CNGB3: variants seen among roughly 807,000 people sequenced by gnomAD.
CNGB3 encodes the protein cyclic nucleotide gated channel subunit beta 3, also known as cyclic nucleotide-gated channel beta-3.
CNGB3 carries 86 observed loss-of-function variants against 92.8 expected under a neutral mutation model. The observed-to-expected ratio is 0.93, with a 90% CI of 0.78 to 1.11. The LOEUF (loss-of-function observed/expected upper bound fraction) is 1.11. Ranked by LOEUF, CNGB3 falls within the 50% of genes least tolerant of loss-of-function variation. CNGB3 has a pLI of 0.00. For synonymous variants in CNGB3, 333 were observed against 332.7 expected, an observed-to-expected ratio of 1.00 and a Z score of -0.01; for missense variants, 1,026 against 956.8, an observed-to-expected ratio of 1.07 and a Z score of -0.95.
intron 12 of CNGB3, 90 bp downstream of exon 12, chr8:86,628,829 G>T: frequency 1.5e-6 from 2 of 1,374,470 alleles, no homozygotes; most frequent in Non-Finnish European, 2.1e-6. Context: ...TCAACCTTTT[G>T]TTCAAATCCA....
intron 15 of CNGB3, among the ~76,000 whole-genome samples, chr8:86,602,548 A>G (rs1822327556): frequency 6.6e-6 from 1 of 152,182 alleles, no homozygotes; most frequent in South Asian, 2.1e-4. Context: ...TGTTGTCCCT[A>G]TAATTCATTA....
intron 14 of CNGB3, among the ~76,000 whole-genome samples, chr8:86,609,898 A>G (rs574267649): frequency 1.3e-5 from 2 of 152,206 alleles, no homozygotes; most frequent in South Asian, 4.1e-4. Flanking sequence ...GTCACTCCTG[A>G]CAACCTAATA....
At chr8:86,643,908 GT>G in intron 9 of CNGB3, 35 bp from the exon 10 acceptor site, 1 of 1,593,952 alleles carries the variant, frequency 6.3e-7, no homozygotes, top group Non-Finnish European at 8.6e-7. Flanking sequence ...TAAGATTCAT[GT>G]TGTTTCTGAA....
At chr8:86,735,042 G>GGTTTTTTTTTTTTTTTTTTTT (rs1554618958) in intron 2 of CNGB3, among the ~76,000 whole-genome samples, 1 of 85,886 alleles carries the variant, frequency 1.2e-5, no homozygotes, top group Non-Finnish European at 2.1e-5. Context: ...AATGCCGGTG[G>GGTTTTTTTTTTTTTTTTTTTT]TTTTTTTTTT....
At chr8:86,671,373 A>C (rs748601356) in intron 3 of CNGB3, among the ~76,000 whole-genome samples, 33 of 152,238 alleles carry the variant, frequency 2.2e-4, no homozygotes, top group Non-Finnish European at 3.2e-4. Flanking sequence ...TTGTATCACT[A>C]GGACAAGTAA....
intron 15 of CNGB3, among the ~76,000 whole-genome samples, chr8:86,593,238 T>C (rs1822086246): frequency 6.6e-6 from 1 of 152,220 alleles, no homozygotes; most frequent in Non-Finnish European, 1.5e-5. Flanking sequence ...ATGAAGAATC[T>C]GGGTATAACT....
chr8:86,701,771 A>G (rs1824561730), intron 3 of CNGB3, among the ~76,000 whole-genome samples: 1 of 152,208 alleles, frequency 6.6e-6, no homozygotes, highest in Admixed American at 6.5e-5. Flanking sequence ...GGAAATGGTC[A>G]ATTCCCCTGA....
chr8:86,646,837 T>C (rs1035349252), intron 8 of CNGB3, among the ~76,000 whole-genome samples: 9 of 151,218 alleles, frequency 6.0e-5, no homozygotes, highest in African/African-American at 2.2e-4. Flanking sequence ...AATGAAGCTA[T>C]GAGTTATAAA....
chr8:86,593,218 T>C (rs1430197224), intron 15 of CNGB3, among the ~76,000 whole-genome samples: 1 of 152,156 alleles, frequency 6.6e-6, no homozygotes, highest in Non-Finnish European at 1.5e-5. Context: ...CTTAGAGAAG[T>C]GGATGAGCGA....
At chr8:86,686,652 G>T (rs1441636117) in intron 3 of CNGB3, among the ~76,000 whole-genome samples, 1 of 75,342 alleles carries the variant, frequency 1.3e-5, no homozygotes, top group Non-Finnish European at 2.4e-5. Context: ...AGGGTGTTCT[G>T]CATTGATAAG....
chr8:86,655,958 T>C lies in CNGB3; in HGVS notation c.853-1896A>G, dbSNP rs117044198. On this transcript the variant is annotated intron_variant, in intron 6 of 17. Coordinates refer to ENST00000320005, the MANE Select transcript of CNGB3 (RefSeq NM_019098.5). ...GTCTTCTAACAATTATCATTCAGGC[T>C]GTCTGGAAGTTTTAAACTGCTGCTT... Among the ~76,000 whole-genome samples the C allele has an allele frequency of 4.7e-3, 711 of 152,344 alleles. 5 individuals carry two copies. The highest frequency in any genetic ancestry group is 0.037 in the Middle Eastern group (11 of 294).
intron 1 of CNGB3, among the ~76,000 whole-genome samples, chr8:86,740,816 A>AT: frequency 6.6e-6 from 1 of 152,260 alleles, no homozygotes; most frequent in Admixed American, 6.5e-5. Flanking sequence ...TATGAAATTG[A>AT]TTGAGTGGCT....
At chr8:86,644,558 T>C (rs1164495109) in intron 9 of CNGB3, 64 bp downstream of exon 9, 1 of 1,575,272 alleles carries the variant, frequency 6.3e-7, no homozygotes, top group Non-Finnish European at 8.7e-7. Flanking sequence ...CCTGCCAAAT[T>C]CCGTCTAAAA....
chr8:86,574,551 A>G lies in CNGB3; in HGVS notation c.*1253T>C, dbSNP rs1283822353. ...GTGATTGATTTGTACATGGTTTGCT[A>G]AATGCATCTATGTTGTAGGCTTTTT... On this transcript the variant is annotated 3_prime_UTR_variant, in exon 18 of 18. Coordinates refer to ENST00000320005, the MANE Select transcript of CNGB3 (RefSeq NM_019098.5). The G allele has an allele frequency of 6.6e-6, 1 of 152,230 alleles. No individual in the cohort carries two copies. Among genetic ancestry groups the G allele is most frequent in the Admixed American group, 6.5e-5 (1 of 15,286 alleles). The allele number at this position is 152,230 out of a possible 1,614,324, so 9.4% of individuals were successfully genotyped here.
Position 86,735,059 on chromosome 8 carries a change from T to G in CNGB3, c.211+4596A>C, listed in dbSNP as rs903864632. Among the ~76,000 whole-genome samples, 35 of 145,998 alleles carry G rather than the reference T, an allele frequency of 2.4e-4. 2 individuals are homozygous for G. In the South Asian group the frequency reaches 6.9e-3, roughly 29 times the overall value. ...TGCCGGTGGTTTTTTTTTTTTTTTT[T>G]TTTTTTTTTTTGTATGGTATACTGC... On this transcript the variant is annotated intron_variant, in intron 2 of 17. Coordinates refer to ENST00000320005, the MANE Select transcript of CNGB3 (RefSeq NM_019098.5).
chr8:86,712,484 A>G (rs907617892), intron 3 of CNGB3, among the ~76,000 whole-genome samples: 6 of 152,090 alleles, frequency 3.9e-5, no homozygotes, highest in Non-Finnish European at 8.8e-5. Flanking sequence ...CAAGGGACAA[A>G]TTCAAATTTA....
At chr8:86,695,254 C>A (rs1586022146) in intron 3 of CNGB3, among the ~76,000 whole-genome samples, 1 of 152,162 alleles carries the variant, frequency 6.6e-6, no homozygotes, top group Non-Finnish European at 1.5e-5. Context: ...GCAGTACAGT[C>A]CAGCTTCGGC....
At chr8:86,639,243 A>T (rs931584683) in intron 10 of CNGB3, among the ~76,000 whole-genome samples, 2 of 152,054 alleles carry the variant, frequency 1.3e-5, no homozygotes, top group African/African-American at 4.8e-5. Flanking sequence ...ATGTCAGAAA[A>T]TACATAAAAT....
At chr8:86,698,493 T>C (rs1174815569) in intron 3 of CNGB3, among the ~76,000 whole-genome samples, 1 of 152,212 alleles carries the variant, frequency 6.6e-6, no homozygotes. Context: ...TTTGATTCCT[T>C]GCTCCATTCC....
Sources: gnomAD v4.1 joint callset for allele counts (sites outside exome capture counted in the v4.1 genomes callset) on GRCh38, gnomAD v4.1.1 for gene constraint, MANE v1.5 for transcripts, NCBI Gene and HGNC (gene_info 2026-07-23, HGNC 2026-07-21) for gene names.